Variants in ITGA8 observed in about 807,000 individuals in gnomAD.
The protein encoded by ITGA8 is integrin alpha-8.
A neutral mutation model predicts 142.3 loss-of-function variants in ITGA8; 91 were observed. The observed-to-expected ratio is 0.64, with a 90% confidence interval of 0.54 to 0.76. The LOEUF (loss-of-function observed/expected upper bound fraction) is 0.76. Among genes scored for constraint, ITGA8 ranks in the 30% least tolerant of loss-of-function variants. The pLI, the probability that ITGA8 is intolerant of heterozygous loss-of-function variation, is 0.00. For synonymous variants in ITGA8, 505 were observed against 485.2 expected (o/e 1.04, Z -0.54); for missense variants, 1,406 against 1,327.7 (o/e 1.06, Z -0.92).
chr10:15,575,548 G>T lies in ITGA8; in HGVS notation c.2419C>A (p.Pro807Thr), dbSNP rs371823194. 1.2e-6 allele frequency: 2 copies of T among 1,614,020 alleles called. No individual in the cohort carries two copies. Among genetic ancestry groups the T allele is most frequent in the African/African-American group, 1.3e-5 (1 of 75,014 alleles). Residue 807 changes from proline to threonine, a missense_variant, in exon 24 of 30, where the codon CCA becomes ACA. Transcript: ENST00000378076. Reference sequence around the variant, plus strand: ...TCCTCTTTGTGGGGCTCCTCTTCTGGTTCCCAGTTATGAATGGGCAGAACA... The same window carrying T: ...TCCTCTTTGTGGGGCTCCTCTTCTGTTTCCCAGTTATGAATGGGCAGAACA... Reference protein sequence around the residue: ...QIVLPIHNWEPEEEPHKEEEV... With the variant: ...QIVLPIHNWETEEEPHKEEEV...
intron 18 of ITGA8, among the ~76,000 whole-genome samples, 184 bp downstream of exon 18, chr10:15,606,101 G>A (rs1163018944): frequency 6.6e-6 from 1 of 152,144 alleles, no homozygotes; most frequent in Non-Finnish European, 1.5e-5. Context: ...TGCACAAGAG[G>A]AAAGGCTTCC....
At chr10:15,657,663 G>A (rs1360504318) in intron 10 of ITGA8, among the ~76,000 whole-genome samples, 1 of 151,770 alleles carries the variant, frequency 6.6e-6, no homozygotes, top group African/African-American at 2.4e-5. Flanking sequence ...TACTGAGTTG[G>A]TGCTTCCGTC....
intron 28 of ITGA8, among the ~76,000 whole-genome samples, chr10:15,525,087 C>T (rs1327981704): frequency 6.6e-6 from 1 of 152,160 alleles, no homozygotes; most frequent in Non-Finnish European, 1.5e-5. Context: ...TAGCTCACTG[C>T]AGCCTCCAAC....
intron 25 of ITGA8, among the ~76,000 whole-genome samples, chr10:15,562,157 C>G (rs974936071): frequency 7.9e-5 from 12 of 152,180 alleles, no homozygotes; most frequent in African/African-American, 2.9e-4. Flanking sequence ...AAGCCTAACC[C>G]TATCAGGTGG....
At chr10:15,706,254 A>G (rs200307900) in intron 2 of ITGA8, among the ~76,000 whole-genome samples, 206 of 152,206 alleles carry the variant, frequency 1.4e-3, no homozygotes, top group African/African-American at 4.7e-3. Flanking sequence ...CATCTGATCC[A>G]TAATGATAAC....
At chr10:15,521,260 G>C (rs767327900) in intron 28 of ITGA8, among the ~76,000 whole-genome samples, 2 of 151,986 alleles carry the variant, frequency 1.3e-5, no homozygotes, top group Non-Finnish European at 2.9e-5. Context: ...CTGACCTCAA[G>C]TGATCCACCC....
chr10:15,521,601 T>A lies in ITGA8; in HGVS notation c.2983-2189A>T, dbSNP rs1473437075. Among the ~76,000 whole-genome samples the A allele has an allele frequency of 2.6e-5, 4 of 152,268 alleles. No homozygotes were observed. The South Asian group carries it at 6.2e-4, about 24-fold the overall frequency. On this transcript the variant is annotated intron_variant, in intron 28 of 29. Transcript: ENST00000378076. ...GAGAAAAAGGCTGGCCTCAACCTAG[T>A]CATCATTACATTTTCTTCCTATGCC...
At chr10:15,610,559 T>G (rs1833275345) in intron 15 of ITGA8, among the ~76,000 whole-genome samples, 1 of 152,180 alleles carries the variant, frequency 6.6e-6, no homozygotes. Context: ...TAAATTAAAC[T>G]GTTTGTGGAC....
chr10:15,635,009 T>C (rs564349087), intron 13 of ITGA8, among the ~76,000 whole-genome samples: 85 of 145,956 alleles, frequency 5.8e-4, no homozygotes, highest in African/African-American at 2.0e-3. Flanking sequence ...CTTTCTTTTT[T>C]TTTTTTTTTT....
At chr10:15,691,682 A>G (rs1001327797) in intron 2 of ITGA8, among the ~76,000 whole-genome samples, 2 of 152,176 alleles carry the variant, frequency 1.3e-5, no homozygotes, top group African/African-American at 4.8e-5. Flanking sequence ...GTAGAATGGT[A>G]GTTACCAGAG....
chr10:15,617,310 G>A (rs1456256854), intron 13 of ITGA8, among the ~76,000 whole-genome samples: 2 of 151,762 alleles, frequency 1.3e-5, no homozygotes, highest in Non-Finnish European at 2.9e-5. Context: ...GGTGGAACTG[G>A]TTGACTGCAG....
chr10:15,719,047 T>G, intron 1 of ITGA8, 148 bp from the exon 2 acceptor site: 1 of 1,264,218 alleles, frequency 7.9e-7, no homozygotes, highest in Non-Finnish European at 1.1e-6. Context: ...TCAAACTTGA[T>G]TTCCTCTTGG....
chr10:15,623,254 C>G (rs943319178), intron 13 of ITGA8, among the ~76,000 whole-genome samples: 1 of 152,056 alleles, frequency 6.6e-6, no homozygotes, highest in Non-Finnish European at 1.5e-5. Context: ...GTACAGAGCC[C>G]GAATACAGTA....
chr10:15,653,651 T>C (rs1054128664), intron 11 of ITGA8, among the ~76,000 whole-genome samples: 2 of 152,154 alleles, frequency 1.3e-5, no homozygotes, highest in African/African-American at 2.4e-5. Context: ...TCTTCACCTG[T>C]TCATAACTCC....
At position 15,532,736 on chromosome 10, in the gene ITGA8, G is replaced by A. The variant is rs544571577; in HGVS notation, c.2881-1585C>T. On this transcript the variant is annotated intron_variant, in intron 27 of 29. Coordinates refer to ENST00000378076, the MANE Select transcript of ITGA8 (RefSeq NM_003638.3). ...TCATCATGGCTCTTGAGACCCAAGTGTTAATCATTTCAAGACTTTTGGGTG... is the reference window on the plus strand; with the variant it reads ...TCATCATGGCTCTTGAGACCCAAGTATTAATCATTTCAAGACTTTTGGGTG... 6.1e-5 allele frequency among the ~76,000 whole-genome samples: 8 copies of A among 131,640 alleles called. No homozygotes were observed. The Admixed American group carries it at 6.9e-4, about 11-fold the overall frequency. The allele number at this position is 131,640 out of a possible 152,430, so 86.4% of individuals were successfully genotyped here.
chr10:15,655,065 CAATGGCTATGAATTTTG>C (rs1834157190), intron 11 of ITGA8, among the ~76,000 whole-genome samples: 1 of 151,172 alleles, frequency 6.6e-6, no homozygotes, highest in South Asian at 2.1e-4. Context: ...TGAATGTTCT[CAATGGCTATGAATTTTG>C]AATGGCTGAA....
intron 8 of ITGA8, among the ~76,000 whole-genome samples, chr10:15,667,482 T>G (rs1448466581): frequency 6.6e-6 from 1 of 152,204 alleles, no homozygotes; most frequent in Non-Finnish European, 1.5e-5. Flanking sequence ...CCTGGATTCA[T>G]TAATTTGTTG....
At chr10:15,690,681 A>G (rs961734287) in intron 2 of ITGA8, among the ~76,000 whole-genome samples, 3 of 152,220 alleles carry the variant, frequency 2.0e-5, no homozygotes, top group African/African-American at 7.2e-5. Flanking sequence ...TGTAGGAAAA[A>G]TGAAAACAGA....
intron 10 of ITGA8, 107 bp from the exon 11 acceptor site, chr10:15,655,513 T>C (rs2131665357): frequency 2.5e-6 from 2 of 803,292 alleles, no homozygotes; most frequent in Non-Finnish European, 4.2e-6. Flanking sequence ...CATTTTTGCA[T>C]TGAAATTCAT....
Sources: gnomAD v4.1 joint callset for allele counts (sites outside exome capture counted in the v4.1 genomes callset) on GRCh38, gnomAD v4.1.1 for gene constraint, MANE v1.5 for transcripts, NCBI Gene and HGNC (gene_info 2026-07-23, HGNC 2026-07-21) for gene names.